Variants in RPS6KA2 observed in about 807,000 individuals in gnomAD.
The protein encoded by RPS6KA2 is ribosomal protein S6 kinase alpha-2.
In RPS6KA2, 42 loss-of-function variants were observed where a neutral mutation model predicts 91.8. That is an observed-to-expected ratio of 0.46 (90% CI 0.36 to 0.59). The LOEUF (loss-of-function observed/expected upper bound fraction) is 0.59. RPS6KA2 is among the 20% of genes least tolerant of loss of function. RPS6KA2 has a pLI of 0.00. For synonymous variants in RPS6KA2, 414 were observed against 393.6 expected, an observed-to-expected ratio of 1.05 and a Z score of -0.61; for missense variants, 798 against 978.5, an observed-to-expected ratio of 0.82 and a Z score of 2.46.
chr6:166,791,007 A>G (rs1356770143), intron 2 of RPS6KA2, among the ~76,000 whole-genome samples: 2 of 152,228 alleles, frequency 1.3e-5, no homozygotes, highest in East Asian at 3.8e-4. Context: ...AAATTCACAC[A>G]TAACAATATT....
chr6:166,672,895 G>A (rs1320767615), intron 2 of RPS6KA2, among the ~76,000 whole-genome samples: 2 of 152,160 alleles, frequency 1.3e-5, no homozygotes, highest in Admixed American at 6.5e-5. Context: ...CTTAAGCCTC[G>A]GCAGAAGGAG....
intron 1 of RPS6KA2, among the ~76,000 whole-genome samples, chr6:166,575,034 G>A (rs997740791): frequency 6.6e-6 from 1 of 152,186 alleles, no homozygotes; most frequent in African/African-American, 2.4e-5. Context: ...CTGCCCCACT[G>A]CTCCCAGATA....
At chr6:166,503,016 A>G (rs1185824854) in intron 6 of RPS6KA2, among the ~76,000 whole-genome samples, 2 of 152,238 alleles carry the variant, frequency 1.3e-5, no homozygotes, top group Non-Finnish European at 2.9e-5. Context: ...AAATGAAACA[A>G]AATTCATTTA....
At chr6:166,421,688 T>C (rs1369524308) in intron 17 of RPS6KA2, among the ~76,000 whole-genome samples, 2 of 152,136 alleles carry the variant, frequency 1.3e-5, no homozygotes, top group Non-Finnish European at 2.9e-5. Context: ...GATGACTCCT[T>C]CTCTGGGCAT....
At chr6:166,526,340 GCTTTTT>G (rs1416262983) in intron 3 of RPS6KA2, among the ~76,000 whole-genome samples, 1 of 133,880 alleles carries the variant, frequency 7.5e-6, no homozygotes, top group African/African-American at 2.9e-5. Flanking sequence ...TGTTTATATG[GCTTTTT>G]TTTTTTTTTT....
At chr6:166,820,150 C>T (rs1779871657) in intron 2 of RPS6KA2, among the ~76,000 whole-genome samples, 1 of 152,132 alleles carries the variant, frequency 6.6e-6, no homozygotes, top group Non-Finnish European at 1.5e-5. Context: ...GGGACATGTA[C>T]ATATAGTTGG....
intron 2 of RPS6KA2, among the ~76,000 whole-genome samples, chr6:166,670,241 C>T (rs745750515): frequency 1.3e-5 from 2 of 152,242 alleles, no homozygotes; most frequent in Non-Finnish European, 2.9e-5. Context: ...TTGCCCTTTT[C>T]GGCAGCCTGG....
chr6:166,541,693 C>T (rs1241661190), intron 1 of RPS6KA2, among the ~76,000 whole-genome samples: 1 of 152,218 alleles, frequency 6.6e-6, no homozygotes, highest in East Asian at 1.9e-4. Context: ...GCCACACCCC[C>T]ACCTCCGTTG....
chr6:166,715,387 T>C (rs1250008977), intron 2 of RPS6KA2, among the ~76,000 whole-genome samples: 1 of 152,140 alleles, frequency 6.6e-6, no homozygotes, highest in Non-Finnish European at 1.5e-5. Context: ...GGAGTAAACT[T>C]ATCCAGGAGA....
Position 166,648,277 on chromosome 6 carries a change from C to G in RPS6KA2, c.124-109493G>C, listed in dbSNP as rs1162932006. 6.6e-6 allele frequency among the ~76,000 whole-genome samples: 1 copy of G among 151,298 alleles called. No homozygotes were observed. The highest frequency in any genetic ancestry group is 1.9e-4 in the East Asian group (1 of 5,132). On this transcript the variant is annotated intron_variant, in intron 2 of 21. Transcript: ENST00000503859. The surrounding 1 kb of genome is among the most constrained non-coding windows in gnomAD (Gnocchi z 4.8). ...ACACACACTCATGTTCATACACACG[C>G]ATGCACACAGTATGCACACACACGC...
At chr6:166,498,127 C>T (rs1781860226) in intron 8 of RPS6KA2, among the ~76,000 whole-genome samples, 1 of 152,220 alleles carries the variant, frequency 6.6e-6, no homozygotes, top group Admixed American at 6.5e-5. Context: ...TGCAAAAATG[C>T]CTAACTCCGT....
chr6:166,551,355 C>G (rs1412915229), intron 1 of RPS6KA2, among the ~76,000 whole-genome samples: 1 of 152,216 alleles, frequency 6.6e-6, no homozygotes, highest in Non-Finnish European at 1.5e-5. Context: ...AAAAGTAGAT[C>G]ATTCCGGATC....
intron 2 of RPS6KA2, among the ~76,000 whole-genome samples, chr6:166,700,860 C>T (rs1193844057): frequency 1.3e-5 from 2 of 152,234 alleles, no homozygotes; most frequent in African/African-American, 4.8e-5. Flanking sequence ...TTTCCCCCCT[C>T]TGCCACCCTT....
intron 2 of RPS6KA2, among the ~76,000 whole-genome samples, chr6:166,797,820 G>A (rs572026258): frequency 1.3e-5 from 2 of 152,262 alleles, no homozygotes; most frequent in African/African-American, 4.8e-5. Context: ...AGCCCTTGAA[G>A]GAATTTAAGC....
intron 2 of RPS6KA2, among the ~76,000 whole-genome samples, chr6:166,718,849 C>T (rs1790093759): frequency 6.6e-6 from 1 of 152,180 alleles, no homozygotes; most frequent in African/African-American, 2.4e-5. Flanking sequence ...AGCTCTTTTG[C>T]TTTTTCATGA....
intron 2 of RPS6KA2, among the ~76,000 whole-genome samples, chr6:166,669,880 G>T (rs1016747809): frequency 9.9e-5 from 15 of 152,188 alleles, no homozygotes; most frequent in Non-Finnish European, 2.1e-4. Flanking sequence ...TTTGAGGGTA[G>T]CCACCCTCCT....
At chr6:166,456,522 T>C (rs1264447501) in intron 12 of RPS6KA2, among the ~76,000 whole-genome samples, 1 of 152,226 alleles carries the variant, frequency 6.6e-6, no homozygotes, top group Non-Finnish European at 1.5e-5. Context: ...CAGCATGCTC[T>C]AGGGGGCAGC....
chr6:166,520,077 C>G (rs1562552705), intron 3 of RPS6KA2, among the ~76,000 whole-genome samples: 2 of 152,238 alleles, frequency 1.3e-5, no homozygotes, highest in Non-Finnish European at 2.9e-5. Flanking sequence ...GGAGAGGAAT[C>G]TGCTCCCTGT....
At chr6:166,454,721 A>C (rs6936677) in intron 12 of RPS6KA2, among the ~76,000 whole-genome samples, 2,595 of 152,276 alleles carry the variant, frequency 0.017, 68 homozygotes, top group African/African-American at 0.059. Flanking sequence ...CAGGGCCATC[A>C]GAAGGAGCCA....
Sources: allele counts gnomAD v4.1 joint callset (sites outside exome capture counted in the v4.1 genomes callset), GRCh38; gene constraint gnomAD v4.1.1; non-coding constraint Gnocchi (gnomAD v3.1); transcripts MANE v1.5; gene names NCBI Gene and HGNC (gene_info 2026-07-23, HGNC 2026-07-21).